The following FYB1 variants were observed in gnomAD, a reference collection of about 807,000 sequenced individuals.
FYB1 encodes FYN-binding protein 1.
Under a neutral mutation model 94.1 loss-of-function variants are expected in FYB1, and 41 were observed. That is an observed-to-expected ratio of 0.44 (90% CI 0.34 to 0.57). The LOEUF (loss-of-function observed/expected upper bound fraction) is 0.57, where lower values mean the gene tolerates loss of function less well. Ranked by LOEUF, FYB1 falls within the 20% of genes least tolerant of loss-of-function variation. The pLI is 0.02. For missense variants in FYB1, 1,050 were observed against 976.8 expected, an observed-to-expected ratio of 1.07 and a Z score of -1.00; for synonymous variants, 367 against 353.2, an observed-to-expected ratio of 1.04 and a Z score of -0.44.
intron 2 of FYB1, among the ~76,000 whole-genome samples, chr5:39,166,437 T>TA (rs61298144): frequency 0.011 from 1,516 of 139,076 alleles, 23 homozygotes; most frequent in African/African-American, 0.037. Flanking sequence ...CTCCGTCTCA[T>TA]AAAAAAAAAA....
chr5:39,245,043 T>C (rs1163789504), intron 1 of FYB1, among the ~76,000 whole-genome samples: 3 of 152,228 alleles, frequency 2.0e-5, no homozygotes, highest in African/African-American at 7.2e-5. Context: ...TCTTCTTTAT[T>C]AGTCTTGCTA....
At chr5:39,146,809 T>C (rs1235909639) in intron 3 of FYB1, among the ~76,000 whole-genome samples, 1 of 152,178 alleles carries the variant, frequency 6.6e-6, no homozygotes. Context: ...CCACTTTATA[T>C]AGGCCTGAAT....
chr5:39,182,306 T>C (rs1403924359), intron 2 of FYB1, among the ~76,000 whole-genome samples: 2 of 3,350 alleles, frequency 6.0e-4, no homozygotes, highest in Non-Finnish European at 6.8e-3. Context: ...TGTGTGTGTG[T>C]GTGTGTGTGT....
At chr5:39,245,934 T>C (rs1208118747) in intron 1 of FYB1, among the ~76,000 whole-genome samples, 1 of 152,194 alleles carries the variant, frequency 6.6e-6, no homozygotes, top group African/African-American at 2.4e-5. Flanking sequence ...GTGAGCAGTA[T>C]TATTGTCCAT....
chr5:39,274,257 G>C (rs1031822581), intron 1 of FYB1: 1 of 152,166 alleles, frequency 6.6e-6, no homozygotes, highest in African/African-American at 2.4e-5. Flanking sequence ...GTTAGAAATA[G>C]TTATAAACTC....
At chr5:39,133,878 T>C (rs1403164776) in intron 9 of FYB1, among the ~76,000 whole-genome samples, 1 of 152,208 alleles carries the variant, frequency 6.6e-6, no homozygotes, top group Non-Finnish European at 1.5e-5. Flanking sequence ...ATTTTATGCT[T>C]CATATTTTAC....
intron 1 of FYB1, among the ~76,000 whole-genome samples, chr5:39,235,868 T>C (rs940826616): frequency 1.3e-5 from 2 of 152,098 alleles, no homozygotes; most frequent in Non-Finnish European, 2.9e-5. Context: ...AGGACTCTTT[T>C]GTAGTGATAG....
chr5:39,269,066 T>A (rs574982890), intron 1 of FYB1, among the ~76,000 whole-genome samples: 34 of 152,208 alleles, frequency 2.2e-4, no homozygotes, highest in African/African-American at 7.9e-4. Context: ...TTTTTCTTTT[T>A]TGAGATGGAG....
intron 2 of FYB1, among the ~76,000 whole-genome samples, chr5:39,200,101 T>A (rs1393031425): frequency 6.6e-6 from 1 of 152,308 alleles, no homozygotes; most frequent in Non-Finnish European, 1.5e-5. Flanking sequence ...AAATGTGAAC[T>A]GTGGCATGGG....
intron 8 of FYB1, 90 bp downstream of exon 8, chr5:39,134,765 G>A (rs961086561): frequency 2.1e-5 from 29 of 1,379,092 alleles, no homozygotes; most frequent in Non-Finnish European, 2.4e-5. Flanking sequence ...CTCCTAACTC[G>A]ATGCCTATGA....
In FYB1 at chr5:39,106,895, TA is replaced by T. The variant is rs1738568243; in HGVS notation, c.*547del. 1 of 152,110 alleles carries T rather than the reference TA, an allele frequency of 6.6e-6. No homozygotes were observed. The highest frequency in any genetic ancestry group is 2.4e-5 in the African/African-American group (1 of 41,448). 9.4% of individuals were successfully genotyped at this position (152,110 alleles called of 1,614,324 possible). The stretch of plus-strand genomic sequence containing the variant: ...TTATACAAAACTTCTACTACTGCTA[TA>T]ATTTTTGAAAACATTTAACCCACTA... On this transcript the variant is annotated 3_prime_UTR_variant, in exon 19 of 19. Coordinates refer to ENST00000512982, the MANE Select transcript of FYB1 (RefSeq NM_001465.6).
At chr5:39,180,229 C>G (rs1026862986) in intron 2 of FYB1, among the ~76,000 whole-genome samples, 3 of 152,140 alleles carry the variant, frequency 2.0e-5, no homozygotes, top group African/African-American at 7.2e-5. Context: ...TTCCTTCTTC[C>G]TAGTGTATTA....
At chr5:39,135,828 A>AT (rs578028681) in intron 7 of FYB1, among the ~76,000 whole-genome samples, 6 of 152,070 alleles carry the variant, frequency 3.9e-5, no homozygotes, top group Admixed American at 1.3e-4. Flanking sequence ...TATTTATTTA[A>AT]TTTTTTTTAC....
In FYB1 at chr5:39,168,831, A is replaced by G. The variant is rs186108000; in HGVS notation, c.1136-15227T>C. Among the ~76,000 whole-genome samples the G allele has an allele frequency of 2.6e-5, 4 of 152,234 alleles. No homozygotes were observed. In the South Asian group the frequency reaches 8.3e-4, roughly 32 times the overall value. On this transcript the variant is annotated intron_variant, in intron 2 of 18. Transcript: ENST00000512982. ...CCTTTTTTCTTTTTTTAATCAAAAT[A>G]GGAAACTTTTTATTTTTGTCACTAA... is the stretch of plus-strand genomic sequence containing the variant.
At chr5:39,204,411 C>T (rs1427729356) in intron 1 of FYB1, among the ~76,000 whole-genome samples, 2 of 152,162 alleles carry the variant, frequency 1.3e-5, no homozygotes, top group Admixed American at 6.5e-5. Flanking sequence ...AAATCCTAGC[C>T]AGAATTGTCA....
chr5:39,131,720 C>G (rs373561475), intron 9 of FYB1, among the ~76,000 whole-genome samples: 21 of 152,292 alleles, frequency 1.4e-4, no homozygotes, highest in Admixed American at 7.2e-4. Flanking sequence ...GAGCATGATG[C>G]ATGAAGCAGG....
chr5:39,124,406 C>T lies in FYB1; in HGVS notation c.2046-128G>A, dbSNP rs2303807. The T allele has an allele frequency of 0.36, 186,298 of 524,384 alleles. 38,306 individuals carry two copies. The highest frequency in any genetic ancestry group is 0.72 in the African/African-American group (35,740 of 49,488). The allele number at this position is 524,384 out of a possible 1,614,324, so 32.5% of individuals were successfully genotyped here. A position where few individuals can be genotyped will look rare whatever the true frequency, so the allele number is the denominator to read the frequency against. On this transcript the variant is annotated intron_variant, in intron 12 of 18. Transcript: ENST00000512982. ...TTGGGTTACTTCATCTGTTGACCAT[C>T]ATTTCTTTCTCATCCTCCATTTCTC...
rs1397934241 is a variant in FYB1 at position 39,202,254 on chromosome 5, C to T, written c.707G>A (p.Gly236Asp). The change falls in exon 2 of 19, where the codon GGC becomes GAC. Residue 236 changes from glycine (G) to aspartate (D), a missense_variant. Transcript: ENST00000512982. Reference sequence around the variant, plus strand: ...GTCTTCCCTTGCTGGTTTTAAAGGGCCGCTTTTGGACCTGACTCCCAGGGG... The same window carrying T: ...GTCTTCCCTTGCTGGTTTTAAAGGGTCGCTTTTGGACCTGACTCCCAGGGG... ...PAPLGVRSKS[G>D]PLKPAREDSE... is the part of the protein sequence containing the mutation. 1 of 1,613,884 alleles carries T rather than the reference C, an allele frequency of 6.2e-7. No homozygotes were observed. Among genetic ancestry groups the T allele is most frequent in the South Asian group, 1.1e-5 (1 of 91,074 alleles).
chr5:39,246,229 G>A (rs908527716), intron 1 of FYB1, among the ~76,000 whole-genome samples: 4 of 152,206 alleles, frequency 2.6e-5, no homozygotes, highest in African/African-American at 4.8e-5. Flanking sequence ...GTGGCAAAGA[G>A]AGACCCTAAC....
Sources: gnomAD v4.1 joint callset for allele counts (sites outside exome capture counted in the v4.1 genomes callset) on GRCh38, gnomAD v4.1.1 for gene constraint, MANE v1.5 for transcripts, NCBI Gene and HGNC (gene_info 2026-07-23, HGNC 2026-07-21) for gene names.